Variants in AKAP8 observed in about 807,000 individuals in gnomAD.
The protein encoded by AKAP8 is A-kinase anchoring protein 8.
In AKAP8, 24 loss-of-function variants were observed where a neutral mutation model predicts 67.5. That is an observed-to-expected ratio of 0.36 (90% confidence interval 0.26 to 0.50). The LOEUF (loss-of-function observed/expected upper bound fraction) is 0.50. Among genes scored for constraint, AKAP8 ranks in the 20% least tolerant of loss-of-function variants. The pLI is 0.97. For missense variants in AKAP8, 971 were observed against 955.9 expected, an observed-to-expected ratio of 1.02 and a Z score of -0.21; for synonymous variants, 400 against 371.1, an observed-to-expected ratio of 1.08 and a Z score of -0.90.
chr19:15,371,789 A>C (rs535478208), intron 7 of AKAP8, among the ~76,000 whole-genome samples, 163 bp downstream of exon 7: 22 of 152,246 alleles, frequency 1.4e-4, no homozygotes, highest in African/African-American at 4.8e-4. Flanking sequence ...GTGCCGGCTA[A>C]GGTGGAAAAC....
intron 13 of AKAP8, among the ~76,000 whole-genome samples, chr19:15,358,359 C>CTT (rs764788121): frequency 6.9e-6 from 1 of 143,960 alleles, no homozygotes; most frequent in African/African-American, 2.6e-5. Flanking sequence ...ACCTTGGATT[C>CTT]TTTTTTTTTT....
chr19:15,376,928 T>G, intron 2 of AKAP8, 48 bp downstream of exon 2: 1 of 1,593,704 alleles, frequency 6.3e-7, no homozygotes, highest in Non-Finnish European at 8.5e-7. Flanking sequence ...GCTAGGGCCT[T>G]GAGTTAGGGG....
chr19:15,375,548 TAAC>T (rs985076635), intron 2 of AKAP8, among the ~76,000 whole-genome samples: 6 of 151,962 alleles, frequency 3.9e-5, no homozygotes, highest in African/African-American at 1.2e-4. Flanking sequence ...CTATACAAAT[TAAC>T]AAAAACTATG....
Position 15,360,212 on chromosome 19 carries a change from G to A in AKAP8, c.1527+636C>T, listed in dbSNP as rs957413813. On this transcript the variant is annotated intron_variant, in intron 12 of 13. Transcript: ENST00000269701. ...AACCAAAACACAGTACTGTGAGATGGGTGAGCAGCTCTTGACCTCCCCATT... is the reference window on the plus strand; with the variant it reads ...AACCAAAACACAGTACTGTGAGATGAGTGAGCAGCTCTTGACCTCCCCATT... Among the ~76,000 whole-genome samples the A allele has an allele frequency of 7.9e-5, 12 of 152,022 alleles. 1 individual carries two copies. The highest frequency in any genetic ancestry group is 6.2e-4 in the South Asian group (3 of 4,824).
intron 9 of AKAP8, among the ~76,000 whole-genome samples, chr19:15,366,855 T>A (rs1049898330): frequency 1.3e-5 from 2 of 152,070 alleles, no homozygotes; most frequent in Non-Finnish European, 2.9e-5. Flanking sequence ...GTGATCCGCC[T>A]GCCTTGGCCT....
intron 1 of AKAP8, chr19:15,378,899 C>T (rs980098704): frequency 6.5e-6 from 1 of 152,870 alleles, no homozygotes. Context: ...CACGTTCCCT[C>T]CTGCACAGCC....
chr19:15,370,085 C>T, intron 8 of AKAP8, 61 bp downstream of exon 8: 3 of 1,602,814 alleles, frequency 1.9e-6, no homozygotes, highest in East Asian at 2.2e-5. Flanking sequence ...AGAAGCTGGG[C>T]AGTAAGTGCG....
intron 9 of AKAP8, among the ~76,000 whole-genome samples, chr19:15,363,209 C>T: frequency 6.6e-6 from 1 of 151,694 alleles, no homozygotes; most frequent in Admixed American, 6.5e-5. Flanking sequence ...CGGCAGCCAC[C>T]TTGTCCGGGA....
chr19:15,360,820 C>A (rs757274697), intron 12 of AKAP8, 28 bp downstream of exon 12: 57 of 1,606,098 alleles, frequency 3.5e-5, no homozygotes, highest in Non-Finnish European at 4.6e-5. Flanking sequence ...CAATGAGCAC[C>A]CCAGGCAGTG....
intron 7 of AKAP8, among the ~76,000 whole-genome samples, chr19:15,370,598 G>A (rs561841508): frequency 1.3e-5 from 2 of 149,098 alleles, no homozygotes; most frequent in East Asian, 2.0e-4. Context: ...CACGTTTCCC[G>A]AGCTTTTGTT....
At chr19:15,363,981 T>C (rs1967024245) in intron 9 of AKAP8, among the ~76,000 whole-genome samples, 1 of 151,282 alleles carries the variant, frequency 6.6e-6, no homozygotes. Flanking sequence ...TCGTCACCAC[T>C]CCCTAATCTC....
chr19:15,378,229 G>A (rs1023592902), intron 1 of AKAP8, among the ~76,000 whole-genome samples: 1 of 152,064 alleles, frequency 6.6e-6, no homozygotes, highest in Non-Finnish European at 1.5e-5. Context: ...CCGTCATACC[G>A]CAAAACCTTC....
chr19:15,359,561 T>C (rs1568423462), intron 12 of AKAP8, among the ~76,000 whole-genome samples: 1 of 149,430 alleles, frequency 6.7e-6, no homozygotes, highest in Non-Finnish European at 1.5e-5. Context: ...CTACAAAATA[T>C]AAAAATTAGC....
intron 9 of AKAP8, among the ~76,000 whole-genome samples, chr19:15,362,668 T>C (rs1225761979): frequency 6.6e-6 from 1 of 151,676 alleles, no homozygotes. Flanking sequence ...TGCTCAATGG[T>C]GCCCAGGCTG....
At position 15,376,978 on chromosome 19, in the gene AKAP8, T is replaced by G; in HGVS notation, c.56A>C (p.Gln19Pro). Residue 19 changes from glutamine (Q) to proline (P), a missense_variant and splice_region_variant, in exon 2 of 14, where the codon CAG becomes CCG. Physicochemically the swap from Gln to Pro is moderately conservative, Grantham distance 76. This residue lies in a region of AKAP8 where 763 missense variants were observed against 745.4 expected (regional missense o/e 1.02). Transcript: ENST00000269701. ...GAWSAGPANT[Q>P]GAYGTGVASW... ...CCCGCAAAGCAGAGCCCACTTACCC[T>G]GGGTGTTGGCAGGTCCAGCACTCCA... 1 of 1,612,812 alleles carries G rather than the reference T, an allele frequency of 6.2e-7. No homozygotes were observed. Among genetic ancestry groups the G allele is most frequent in the Non-Finnish European group, 8.5e-7 (1 of 1,179,496 alleles).
chr19:15,364,286 C>T (rs959175026), intron 9 of AKAP8, among the ~76,000 whole-genome samples: 4 of 150,668 alleles, frequency 2.7e-5, no homozygotes, highest in Non-Finnish European at 3.0e-5. Context: ...CTCAGCCTCC[C>T]GAGTAGCTGG....
rs780280824 is a variant in AKAP8, at chr19:15,360,840, A to G, written c.1527+8T>C. The G allele has an allele frequency of 6.2e-7, 1 of 1,611,470 alleles. No individual in the cohort carries two copies. The highest frequency in any genetic ancestry group is 1.1e-5 in the South Asian group (1 of 90,778). On this transcript the variant is annotated splice_region_variant and intron_variant, in intron 12 of 13. Transcript: ENST00000269701. ...AGCACCCCAGGCAGTGTGGGGAGGA[A>G]GACTCACCCTGCGGTTGTGATTGTG... is the stretch of plus-strand genomic sequence containing the variant.
chr19:15,366,086 C>CTTT lies in AKAP8; in HGVS notation c.1160+2146_1160+2148dup, dbSNP rs375441663. ...TCACTAGCGCACACTCTGAAGGTTT[C>CTTT]TTTTTTTTTTTTTAAAAAAAGTCAC... On this transcript the variant is annotated intron_variant, in intron 9 of 13. Coordinates refer to ENST00000269701, the MANE Select transcript of AKAP8 (RefSeq NM_005858.4). Among the ~76,000 whole-genome samples the CTTT allele has an allele frequency of 2.6e-3, 241 of 92,234 alleles. 2 individuals carry two copies. Among genetic ancestry groups the CTTT allele is most frequent in the African/African-American group, 0.01 (225 of 22,246 alleles). 60.5% of individuals were successfully genotyped at this position (92,234 alleles called of 152,430 possible).
At chr19:15,371,314 GA>G (rs1162691668) in intron 7 of AKAP8, among the ~76,000 whole-genome samples, 3 of 152,122 alleles carry the variant, frequency 2.0e-5, no homozygotes, top group African/African-American at 7.2e-5. Flanking sequence ...GCCTTGTTGT[GA>G]GGATGGAAGG....
Sources: allele counts gnomAD v4.1 joint callset (sites outside exome capture counted in the v4.1 genomes callset), GRCh38; gene constraint gnomAD v4.1.1; regional missense constraint gnomAD v4.1.1; transcripts MANE v1.5; gene names NCBI Gene and HGNC (gene_info 2026-07-23, HGNC 2026-07-21).